Variants in PLCZ1 observed in about 807,000 individuals in gnomAD.
PLCZ1 encodes 1-phosphatidylinositol 4,5-bisphosphate phosphodiesterase zeta-1.
Under a neutral mutation model 76.8 loss-of-function variants are expected in PLCZ1, and 64 were observed. The observed-to-expected ratio is 0.83, with a 90% CI of 0.68 to 1.03. The LOEUF is 1.03. Among genes scored for constraint, PLCZ1 ranks in the 50% least tolerant of loss-of-function variants. The pLI, the probability that PLCZ1 is intolerant of heterozygous loss-of-function variation, is 0.00. For missense variants in PLCZ1, 751 were observed against 713.7 expected (o/e 1.05, Z -0.60); for synonymous variants, 248 against 230.8 (o/e 1.07, Z -0.68).
intron 3 of PLCZ1, among the ~76,000 whole-genome samples, chr12:18,732,210 G>A (rs759958515): frequency 5.3e-5 from 8 of 152,062 alleles, no homozygotes; most frequent in East Asian, 1.9e-4. Context: ...AGAGAGCAGC[G>A]GTGCCATCAC....
intron 5 of PLCZ1, among the ~76,000 whole-genome samples, chr12:18,717,183 G>A (rs1321394441): frequency 1.3e-5 from 2 of 151,930 alleles, no homozygotes; most frequent in Non-Finnish European, 1.5e-5. Context: ...TAATGTAAAA[G>A]TAATTATATA....
intron 8 of PLCZ1, 25 bp downstream of exon 8, chr12:18,701,667 T>G (rs1345571893): frequency 1.9e-6 from 3 of 1,605,678 alleles, no homozygotes; most frequent in Non-Finnish European, 2.6e-6. Flanking sequence ...ATCTGCCACT[T>G]CTTCTTCCCA....
chr12:18,685,850 A>G (rs868146686), intron 13 of PLCZ1, among the ~76,000 whole-genome samples: 1,652 of 138,144 alleles, frequency 0.012, 36 homozygotes, highest in African/African-American at 0.045. Flanking sequence ...ACACGCGCAC[A>G]CACACACACA....
At chr12:18,680,302 A>G (rs1263392330), downstream of PLCZ1, among the ~76,000 whole-genome samples, 1 of 152,038 alleles carries the variant, frequency 6.6e-6, no homozygotes, top group Non-Finnish European at 1.5e-5. Flanking sequence ...TGAGATTTAC[A>G]CAAAGATTTT....
chr12:18,687,072 A>G (rs1423487750), intron 13 of PLCZ1, among the ~76,000 whole-genome samples: 11 of 152,230 alleles, frequency 7.2e-5, no homozygotes, highest in Non-Finnish European at 2.9e-5. Context: ...ACACAGCCGT[A>G]GCAATGTGCC....
At chr12:18,654,809 G>A in the PLCZ1 span, among the ~76,000 whole-genome samples, 11 of 152,170 alleles carry the variant, frequency 7.2e-5, no homozygotes, top group East Asian at 1.9e-4. Flanking sequence ...GACAAACATC[G>A]AACTCACCGA....
rs1328661053 is a variant in PLCZ1, at chr12:18,699,672, G to A, written c.1174+122C>T. On this transcript the variant is annotated intron_variant, in intron 10 of 14. Coordinates refer to ENST00000266505, the MANE Select transcript of PLCZ1 (RefSeq NM_033123.4). ...GGTATGTAACCCCATTCTAAATTAT[G>A]TTAAATGTGTTGAAATTTTATGAGA... 5.6e-6 allele frequency: 6 copies of A among 1,079,520 alleles called. No homozygotes were observed. In the East Asian group the frequency reaches 1.5e-4, roughly 26 times the overall value. 66.9% of individuals were successfully genotyped at this position (1,079,520 alleles called of 1,614,324 possible). A position where few individuals can be genotyped will look rare whatever the true frequency, so the allele number is the denominator to read the frequency against.
intron 5 of PLCZ1, among the ~76,000 whole-genome samples, chr12:18,716,088 A>G (rs1434348451): frequency 1.3e-5 from 2 of 152,142 alleles, no homozygotes; most frequent in African/African-American, 4.8e-5. Context: ...TGGAGAAGAA[A>G]CAATGTTTAT....
intron 6 of PLCZ1, among the ~76,000 whole-genome samples, chr12:18,708,719 G>A (rs1956931179): frequency 6.6e-6 from 1 of 152,062 alleles, no homozygotes; most frequent in Admixed American, 6.6e-5. Context: ...AGACTGTGAG[G>A]TGGTATCTCA....
rs745869429 is a variant in PLCZ1, at chr12:18,712,967, G to A, written c.589C>T (p.Arg197Cys). The A allele has an allele frequency of 3.7e-6, 6 of 1,613,612 alleles. No homozygotes were observed. Among genetic ancestry groups the A allele is most frequent in the Non-Finnish European group, 4.2e-6 (5 of 1,179,822 alleles). Residue 197 changes from arginine to cysteine, a missense_variant, in exon 6 of 15, where the codon CGT becomes TGT. Coordinates refer to ENST00000266505, the MANE Select transcript of PLCZ1 (RefSeq NM_033123.4). The part of the protein sequence containing the change: ...GYVSALVKGC[R>C]CLEIDCWDGA... ...TCCCAGCAGTCAATCTCCAAACAACGGCATCCTTTCACAAGGGCACTAGCA... is the reference window on the plus strand; with the variant it reads ...TCCCAGCAGTCAATCTCCAAACAACAGCATCCTTTCACAAGGGCACTAGCA...
chr12:18,654,446 C>T, the PLCZ1 span, among the ~76,000 whole-genome samples: 1 of 152,062 alleles, frequency 6.6e-6, no homozygotes, highest in East Asian at 1.9e-4. Context: ...ATCACCTTTT[C>T]CTTCAAAACT....
intron 7 of PLCZ1, among the ~76,000 whole-genome samples, chr12:18,703,115 A>T (rs984536921): frequency 6.6e-6 from 1 of 152,216 alleles, no homozygotes; most frequent in African/African-American, 2.4e-5. Flanking sequence ...GCTGAAAATT[A>T]TAAGTTCCAG....
chr12:18,708,901 G>C (rs966980844), intron 6 of PLCZ1, among the ~76,000 whole-genome samples: 3 of 151,566 alleles, frequency 2.0e-5, no homozygotes, highest in Non-Finnish European at 4.4e-5. Context: ...CATAAATTTT[G>C]GATATTACTC....
intron 12 of PLCZ1, among the ~76,000 whole-genome samples, chr12:18,694,335 G>A (rs1481722279): frequency 6.6e-6 from 1 of 152,112 alleles, no homozygotes; most frequent in African/African-American, 2.4e-5. Flanking sequence ...AAACAAAAAA[G>A]CTCTCCCAAC....
chr12:18,702,538 A>T (rs1956087498), intron 7 of PLCZ1, among the ~76,000 whole-genome samples: 1 of 152,096 alleles, frequency 6.6e-6, no homozygotes, highest in Non-Finnish European at 1.5e-5. Flanking sequence ...CTCTTTTGTC[A>T]TCCTCAGGCA....
At chr12:18,735,977 T>C (rs188437063) in intron 3 of PLCZ1, 12 of 374,488 alleles carry the variant, frequency 3.2e-5, no homozygotes, top group Non-Finnish European at 4.9e-5. Context: ...CATCCAATCC[T>C]AGGTTTAATG....
Position 18,700,512 on chromosome 12 carries a change from C to CAAAAAAAAAAAAAA in PLCZ1, c.1018-576_1018-563dup, listed in dbSNP as rs11324526. On this transcript the variant is annotated intron_variant, in intron 9 of 14. Coordinates refer to ENST00000266505, the MANE Select transcript of PLCZ1 (RefSeq NM_033123.4). ...GCATAACCAGATCAGAGCCAACGTA[C>CAAAAAAAAAAAAAA]AAAAAAAAAAAAAAAAAAAAAAAAT... 2.1e-4 allele frequency among the ~76,000 whole-genome samples: 14 copies of CAAAAAAAAAAAAAA among 67,886 alleles called. 1 individual carries two copies. The highest frequency in any genetic ancestry group is 5.0e-4 in the Admixed American group (2 of 3,980). 44.5% of individuals were successfully genotyped at this position (67,886 alleles called of 152,430 possible).
intron 14 of PLCZ1, 112 bp from the exon 15 acceptor site, chr12:18,683,436 C>A (rs1952626534): frequency 6.9e-7 from 1 of 1,445,324 alleles, no homozygotes; most frequent in Admixed American, 1.9e-5. Context: ...AAAACCATGA[C>A]TATAGAGTTA....
At chr12:18,723,623 G>T in intron 3 of PLCZ1, 81 bp from the exon 4 acceptor site, 1 of 1,058,392 alleles carries the variant, frequency 9.4e-7, no homozygotes, top group Non-Finnish European at 1.4e-6. Flanking sequence ...TATGTAACAT[G>T]TAGTAATTTA....
Sources: allele counts gnomAD v4.1 joint callset (sites outside exome capture counted in the v4.1 genomes callset), GRCh38; gene constraint gnomAD v4.1.1; transcripts MANE v1.5; gene names NCBI Gene and HGNC (gene_info 2026-07-23, HGNC 2026-07-21).